The following SLCO1B1 variants were observed in gnomAD, a reference collection of about 807,000 sequenced individuals.
The protein encoded by SLCO1B1 is solute carrier organic anion transporter family member 1B1, also known as OATP-2.
In SLCO1B1, 81 loss-of-function variants were observed where a neutral mutation model predicts 70.1. The observed-to-expected ratio is 1.16, with a 90% CI of 0.97 to 1.39. The LOEUF (loss-of-function observed/expected upper bound fraction) is 1.39. Ranked by LOEUF, SLCO1B1 falls within the 40% of genes most tolerant of loss-of-function variation. The pLI is 0.00. For missense variants in SLCO1B1, 895 were observed against 799.6 expected (o/e 1.12, Z -1.44); for synonymous variants, 283 against 271.5 (o/e 1.04, Z -0.42).
At chr12:21,143,859 C>T (rs943429343) in intron 2 of SLCO1B1, among the ~76,000 whole-genome samples, 1 of 152,076 alleles carries the variant, frequency 6.6e-6, no homozygotes, top group Non-Finnish European at 1.5e-5. Context: ...TGTCAAGCAA[C>T]TGTGGATTCT....
intron 7 of SLCO1B1, among the ~76,000 whole-genome samples, chr12:21,183,318 T>A (rs901196178): frequency 1.4e-4 from 22 of 152,116 alleles, no homozygotes; most frequent in African/African-American, 5.1e-4. Context: ...ACCTCAGCCT[T>A]CTGAGTAGCT....
At chr12:21,139,718 G>A (rs1171263662) in intron 1 of SLCO1B1, among the ~76,000 whole-genome samples, 1 of 152,096 alleles carries the variant, frequency 6.6e-6, no homozygotes, top group Non-Finnish European at 1.5e-5. Context: ...CATGTGCAAA[G>A]TGGTGAAAAA....
At chr12:21,211,789 G>A (rs867200556) in intron 11 of SLCO1B1, among the ~76,000 whole-genome samples, 41 of 152,070 alleles carry the variant, frequency 2.7e-4, no homozygotes, top group South Asian at 4.2e-4. Context: ...TTTAGTCTTC[G>A]GAGAGTGTAT....
At position 21,224,758 on chromosome 12, in the gene SLCO1B1, T is replaced by C. The variant is rs139026094; in HGVS notation, c.1784T>C (p.Ile595Thr). Reference protein sequence around the residue: ...ILAPIYFGALIDTTCIKWSTN... With the variant: ...ILAPIYFGALTDTTCIKWSTN... ...GCTCCAATATATTTTGGGGCTCTGA[T>C]TGATACAACGTGTATAAAGTGGTCC... is the stretch of plus-strand genomic sequence containing the variant. The change falls in exon 14 of 15, where the codon ATT (isoleucine) becomes ACT (threonine). Residue 595 changes from isoleucine (I) to threonine (T), a missense_variant. Transcript: ENST00000256958. 1.2e-5 allele frequency: 19 copies of C among 1,612,356 alleles called. No homozygotes were observed. Among genetic ancestry groups the C allele is most frequent in the Middle Eastern group, 1.7e-4 (1 of 5,754 alleles).
chr12:21,160,022 T>G (rs1245859961), intron 2 of SLCO1B1, among the ~76,000 whole-genome samples: 1 of 148,356 alleles, frequency 6.7e-6, no homozygotes, highest in Non-Finnish European at 1.5e-5. Context: ...AGAATCAATA[T>G]AATTAAAATG....
At chr12:21,173,818 G>A (rs1940785932) in intron 3 of SLCO1B1, among the ~76,000 whole-genome samples, 1 of 141,364 alleles carries the variant, frequency 7.1e-6, no homozygotes. Context: ...TGTCGCCCAG[G>A]CTGTAGTGCA....
At chr12:21,158,501 C>G (rs886334812) in intron 2 of SLCO1B1, among the ~76,000 whole-genome samples, 1 of 152,150 alleles carries the variant, frequency 6.6e-6, no homozygotes, top group African/African-American at 2.4e-5. Flanking sequence ...CAAGATGAGC[C>G]TGGCCAACAT....
At chr12:21,230,323 C>CTTTTTTTTTTTTTT in intron 14 of SLCO1B1, among the ~76,000 whole-genome samples, 1 of 70,252 alleles carries the variant, frequency 1.4e-5, no homozygotes, top group Non-Finnish European at 2.7e-5. Flanking sequence ...CTGTAGTATT[C>CTTTTTTTTTTTTTT]TTTTTTTTTT....
At chr12:21,159,692 A>G (rs1940588669) in intron 2 of SLCO1B1, among the ~76,000 whole-genome samples, 1 of 152,154 alleles carries the variant, frequency 6.6e-6, no homozygotes, top group African/African-American at 2.4e-5. Context: ...AAGTAAGTCA[A>G]ACTATCCCTG....
Position 21,205,896 on chromosome 12 carries a change from G to A in SLCO1B1, c.1360G>A (p.Val454Ile). 6.2e-7 allele frequency: 1 copy of A among 1,609,592 alleles called. No individual in the cohort carries two copies. The highest frequency in any genetic ancestry group is 8.5e-7 in the Non-Finnish European group (1 of 1,176,716). Residue 454 changes from valine (V) to isoleucine (I), a missense_variant, in exon 11 of 15, where the codon GTA becomes ATA. Coordinates refer to ENST00000256958, the MANE Select transcript of SLCO1B1 (RefSeq NM_006446.5). ...TAATCCAGTGACATCTCATAGAGAT[G>A]TACCACTTTCTTATTGCAACTCAGA... ...GNNPVTSHRD[V>I]PLSYCNSDCN...
At chr12:21,136,879 T>A (rs1018248932) in intron 1 of SLCO1B1, among the ~76,000 whole-genome samples, 17 of 152,242 alleles carry the variant, frequency 1.1e-4, no homozygotes, top group Non-Finnish European at 2.2e-4. Flanking sequence ...GGTGAGGAGC[T>A]GCATTCCTTT....
chr12:21,224,683 A>G (rs529731770), intron 13 of SLCO1B1, 39 bp from the exon 14 acceptor site: 3 of 1,174,348 alleles, frequency 2.6e-6, no homozygotes, highest in East Asian at 4.7e-5. Flanking sequence ...CATTTAAAAT[A>G]TGTTCCCTAA....
chr12:21,198,594 A>C (rs988978875), intron 8 of SLCO1B1, among the ~76,000 whole-genome samples: 1 of 152,118 alleles, frequency 6.6e-6, no homozygotes, highest in African/African-American at 2.4e-5. Context: ...GACCCTAAGA[A>C]AGAGGATCTT....
intron 10 of SLCO1B1, among the ~76,000 whole-genome samples, chr12:21,203,307 A>G (rs796361576): frequency 1.3e-5 from 2 of 152,236 alleles, no homozygotes; most frequent in African/African-American, 4.8e-5. Flanking sequence ...ACATTGAAGA[A>G]TCTTTACTTT....
chr12:21,144,900 A>T (rs2121046687), intron 2 of SLCO1B1, among the ~76,000 whole-genome samples: 1 of 152,302 alleles, frequency 6.6e-6, no homozygotes, highest in Admixed American at 6.5e-5. Context: ...CTTACCAGAG[A>T]TGCTTAAGGG....
chr12:21,194,032 C>A (rs954169580), intron 7 of SLCO1B1, among the ~76,000 whole-genome samples: 37 of 152,164 alleles, frequency 2.4e-4, no homozygotes, highest in African/African-American at 8.7e-4. Context: ...ACCTTGTGAT[C>A]CACCCACCTT....
At chr12:21,149,648 C>T (rs1444800676) in intron 2 of SLCO1B1, among the ~76,000 whole-genome samples, 1 of 152,094 alleles carries the variant, frequency 6.6e-6, no homozygotes, top group Non-Finnish European at 1.5e-5. Flanking sequence ...GGGACTGTGC[C>T]CTGAGGAAAA....
chr12:21,186,560 G>A (rs1223705466), intron 7 of SLCO1B1, among the ~76,000 whole-genome samples: 5 of 151,886 alleles, frequency 3.3e-5, no homozygotes, highest in Admixed American at 2.0e-4. Context: ...GAAAAGTCAC[G>A]ACATTACAAG....
At chr12:21,209,030 AT>A (rs753978603) in intron 11 of SLCO1B1, among the ~76,000 whole-genome samples, 1 of 151,504 alleles carries the variant, frequency 6.6e-6, no homozygotes, top group African/African-American at 2.4e-5. Context: ...TTGGCAGAGT[AT>A]TTAGGGTTTT....
Sources: gnomAD v4.1 joint callset for allele counts (sites outside exome capture counted in the v4.1 genomes callset) on GRCh38, gnomAD v4.1.1 for gene constraint, MANE v1.5 for transcripts, NCBI Gene and HGNC (gene_info 2026-07-23, HGNC 2026-07-21) for gene names.